Variants in CLIP2 observed in about 807,000 individuals in gnomAD.
The protein encoded by CLIP2 is CAP-Gly domain containing linker protein 2.
In CLIP2, 41 loss-of-function variants were observed where a neutral mutation model predicts 111.7. The observed-to-expected ratio is 0.37, with a 90% CI of 0.29 to 0.48. The LOEUF (loss-of-function observed/expected upper bound fraction) is 0.48, where lower values mean the gene tolerates loss of function less well. CLIP2 is among the 20% of genes least tolerant of loss of function. The probability of loss-of-function intolerance (pLI) is 0.99; values close to 1 mark genes in which losing one functional copy is unlikely to be tolerated. For missense variants in CLIP2, 1,160 were observed against 1,422.1 expected (o/e 0.82, Z 2.96); for synonymous variants, 660 against 644.2 (o/e 1.02, Z -0.37).
At chr7:74,392,425 CAGGAGGCTGCGGTAGT>C (rs1791318785) in intron 13 of CLIP2, among the ~76,000 whole-genome samples, 3 of 151,586 alleles carry the variant, frequency 2.0e-5, no homozygotes, top group Admixed American at 6.6e-5. Flanking sequence ...CCCAGCTACT[CAGGAGGCTGCGGTAGT>C]AGGATTACTT....
chr7:74,345,907 A>T (rs1190626562), intron 3 of CLIP2, among the ~76,000 whole-genome samples: 5 of 152,150 alleles, frequency 3.3e-5, no homozygotes, highest in Admixed American at 3.3e-4. Flanking sequence ...TCAGATAAAC[A>T]TGGTAAATAA....
intron 6 of CLIP2, among the ~76,000 whole-genome samples, chr7:74,359,639 G>GC (rs1554309369): frequency 6.6e-6 from 1 of 152,174 alleles, no homozygotes; most frequent in Non-Finnish European, 1.5e-5. Context: ...ACAGGCAGGA[G>GC]CCACTGCACC....
At chr7:74,336,117 G>A (rs1789448879) in intron 2 of CLIP2, among the ~76,000 whole-genome samples, 1 of 151,176 alleles carries the variant, frequency 6.6e-6, no homozygotes. Context: ...ACCTAGGCTG[G>A]AGTGCAATGG....
intron 2 of CLIP2, among the ~76,000 whole-genome samples, chr7:74,329,892 G>A (rs545334739): frequency 6.6e-6 from 1 of 152,028 alleles, no homozygotes; most frequent in Non-Finnish European, 1.5e-5. Context: ...CAATTCTCCT[G>A]CCTCAGCCTC....
chr7:74,329,710 T>C (rs1424509175), intron 2 of CLIP2, among the ~76,000 whole-genome samples: 1 of 151,778 alleles, frequency 6.6e-6, no homozygotes, highest in Non-Finnish European at 1.5e-5. Flanking sequence ...TCATCACACA[T>C]TCACTTCATC....
chr7:74,315,014 C>T (rs1471223667), intron 1 of CLIP2, among the ~76,000 whole-genome samples: 2 of 152,010 alleles, frequency 1.3e-5, no homozygotes, highest in East Asian at 1.9e-4. Context: ...TGGTGGCTCA[C>T]GCCTGTAATC....
chr7:74,352,698 C>CAAAAAA (rs56250956), intron 3 of CLIP2, among the ~76,000 whole-genome samples: 1 of 132,054 alleles, frequency 7.6e-6, no homozygotes, highest in Admixed American at 7.8e-5. Context: ...AACACTGTCT[C>CAAAAAA]AAAAAAAAAA....
intron 10 of CLIP2, among the ~76,000 whole-genome samples, chr7:74,377,709 C>T (rs1445231519): frequency 6.6e-6 from 1 of 152,226 alleles, no homozygotes; most frequent in Non-Finnish European, 1.5e-5. Context: ...CCCTGTGGGG[C>T]TGACAGAGAG....
intron 16 of CLIP2, 26 bp from the exon 17 acceptor site, chr7:74,403,811 C>T: frequency 6.2e-7 from 1 of 1,612,986 alleles, no homozygotes; most frequent in Non-Finnish European, 8.5e-7. Flanking sequence ...GAGACCCTTG[C>T]TGATGATGCC....
At chr7:74,369,606 C>T (rs1584367686) in intron 8 of CLIP2, among the ~76,000 whole-genome samples, 1 of 152,084 alleles carries the variant, frequency 6.6e-6, no homozygotes, top group Non-Finnish European at 1.5e-5. Flanking sequence ...CCTGTAATCC[C>T]AGCACTTTGG....
At chr7:74,403,640 C>T (rs956023383) in intron 16 of CLIP2, among the ~76,000 whole-genome samples, 197 bp from the exon 17 acceptor site, 6 of 152,200 alleles carry the variant, frequency 3.9e-5, no homozygotes, top group African/African-American at 9.6e-5. Context: ...CAGCACCTCC[C>T]ACCCCACCTG....
At chr7:74,384,789 CTT>C in intron 11 of CLIP2, among the ~76,000 whole-genome samples, 1 of 151,572 alleles carries the variant, frequency 6.6e-6, no homozygotes, top group Non-Finnish European at 1.5e-5. Flanking sequence ...CTGCCAAACT[CTT>C]GGGTATTCTT....
intron 1 of CLIP2, among the ~76,000 whole-genome samples, chr7:74,290,962 A>T (rs1374174138): frequency 6.6e-6 from 1 of 152,146 alleles, no homozygotes; most frequent in Non-Finnish European, 1.5e-5. Flanking sequence ...CAGACCAGGA[A>T]GCTTCATAGA....
At position 74,297,497 on chromosome 7, in the gene CLIP2, G is replaced by A. The variant is rs146460172; in HGVS notation, c.-68+7763G>A. On this transcript the variant is annotated intron_variant, in intron 1 of 16. Coordinates refer to ENST00000223398, the MANE Select transcript of CLIP2 (RefSeq NM_003388.5). ...GTCTCAAAAAAAAACCCAAAAAACC[G>A]AATAAGAAAACAAAAGCAGGGCCCC... Among the ~76,000 whole-genome samples the A allele has an allele frequency of 1.9e-3, 292 of 152,002 alleles. 2 individuals are homozygous for A. Among genetic ancestry groups the A allele is most frequent in the African/African-American group, 3.4e-3 (142 of 41,496 alleles).
chr7:74,371,267 G>C (rs1554311791), intron 8 of CLIP2, among the ~76,000 whole-genome samples: 1 of 101,600 alleles, frequency 9.8e-6, no homozygotes, highest in Non-Finnish European at 2.4e-5. Context: ...AAAAAAAAAA[G>C]GTTGAGGGGA....
In CLIP2 at chr7:74,358,422, G is replaced by A. The variant is rs554259630; in HGVS notation, c.1215+945G>A. 1.5e-3 allele frequency among the ~76,000 whole-genome samples: 220 copies of A among 151,432 alleles called. 1 individual carries two copies. In the South Asian group the frequency reaches 0.015, roughly 10 times the overall value. On this transcript the variant is annotated intron_variant, in intron 6 of 16. Transcript: ENST00000223398. ...ATGCTGTGTTGGTCAGCCTGGTCTC[G>A]AACTCCTGGCCTCAGGCAATCCTTG...
chr7:74,395,860 G>A (rs1791431877), intron 13 of CLIP2, among the ~76,000 whole-genome samples: 1 of 152,158 alleles, frequency 6.6e-6, no homozygotes, highest in Non-Finnish European at 1.5e-5. Context: ...ACTGGCAGTT[G>A]GTTCAGGAGC....
rs1433031631 is a variant in CLIP2, at chr7:74,336,851, GT to G, written c.122-1589del. On this transcript the variant is annotated intron_variant, in intron 2 of 16. Coordinates refer to ENST00000223398, the MANE Select transcript of CLIP2 (RefSeq NM_003388.5). ...AAGCCTGTGATTACTATGGTTGTTT[GT>G]TTTTTTTGTTTTTTTTTTTTTTGTT... 2.3e-4 allele frequency among the ~76,000 whole-genome samples: 5 copies of G among 21,606 alleles called. No homozygotes were observed. The Admixed American group carries it at 2.7e-3, about 12-fold the overall frequency. The allele number at this position is 21,606 out of a possible 152,430, so 14.2% of individuals were successfully genotyped here.
At chr7:74,313,057 T>G (rs1035366984) in intron 1 of CLIP2, among the ~76,000 whole-genome samples, 9 of 151,424 alleles carry the variant, frequency 5.9e-5, no homozygotes, top group Non-Finnish European at 1.2e-4. Context: ...GGCACACACC[T>G]GTAATCCCAG....
Sources: allele counts gnomAD v4.1 joint callset (sites outside exome capture counted in the v4.1 genomes callset), GRCh38; gene constraint gnomAD v4.1.1; transcripts MANE v1.5; gene names NCBI Gene and HGNC (gene_info 2026-07-23, HGNC 2026-07-21).